The following NEB variants were observed in gnomAD, a reference collection of about 807,000 sequenced individuals.
NEB encodes nemaline myopathy type 2.
A neutral mutation model predicts 952.2 loss-of-function variants in NEB; 512 were observed. That is an observed-to-expected ratio of 0.54 (90% CI 0.50 to 0.58). The LOEUF (loss-of-function observed/expected upper bound fraction) is 0.58, where lower values mean the gene tolerates loss of function less well. Ranked by LOEUF, NEB falls within the 20% of genes least tolerant of loss-of-function variation. The pLI is 0.00. For missense variants in NEB, 8,428 were observed against 9,231.1 expected (o/e 0.91, Z 3.56); for synonymous variants, 2,900 against 3,149.8 (o/e 0.92, Z 2.66).
intron 164 of NEB, 70 bp from the exon 165 acceptor site, chr2:151,505,640 A>ATGTTT (rs1321604761): frequency 3.1e-6 from 4 of 1,306,374 alleles, no homozygotes; most frequent in Non-Finnish European, 3.3e-6. Flanking sequence ...CAACATGTAC[A>ATGTTT]TGTTTTTTGT....
chr2:151,501,709 C>T lies in NEB; in HGVS notation c.23929-226G>A, dbSNP rs140916608. On this transcript the variant is annotated intron_variant, in intron 167 of 181. Transcript: ENST00000397345. ...CAGTAAAACACAGCTGCCAGGCTGC[C>T]GGCAGGAGTGGCTTGACTTATGTAG... 2.3e-3 allele frequency among the ~76,000 whole-genome samples: 349 copies of T among 152,234 alleles called. 2 individuals carry two copies. Among genetic ancestry groups the T allele is most frequent in the Middle Eastern group, 6.8e-3 (2 of 294 alleles).
At chr2:151,609,138 G>A (rs993578882) in intron 81 of NEB, among the ~76,000 whole-genome samples, 1 of 149,790 alleles carries the variant, frequency 6.7e-6, no homozygotes, top group Non-Finnish European at 1.5e-5. Context: ...TTTAAGGGAT[G>A]GAGTGCAATT....
chr2:151,486,084 C>A (rs569523954), intron 181 of NEB, among the ~76,000 whole-genome samples, 151 bp from the exon 182 acceptor site: 1 of 152,206 alleles, frequency 6.6e-6, no homozygotes, highest in East Asian at 1.9e-4. Context: ...AAGGAACCCA[C>A]AAAATAGGAA....
chr2:151,675,320 G>A lies in NEB; in HGVS notation c.3846C>T (p.Leu1282=). ...YTMSPDLPQF[L]QAKCNAYNIS... ...TATTGTAAGCATTGCACTTGGCCTG[G>A]AGAAACTGAGGAAGATCAGGACTCA... The change falls in exon 35 of 182, where the codon CTC becomes CTT. Residue 1282 remains leucine (L), a synonymous_variant. Coordinates refer to ENST00000397345, the MANE Select transcript of NEB (RefSeq NM_001164508.2). The A allele has an allele frequency of 8.1e-6, 13 of 1,595,358 alleles. No homozygotes were observed. The highest frequency in any genetic ancestry group is 1.1e-5 in the Non-Finnish European group (13 of 1,169,214).
In NEB at chr2:151,667,798, A is replaced by G. The variant is rs1163343261; in HGVS notation, c.4719+6T>C. On this transcript the variant is annotated splice_donor_region_variant and intron_variant, in intron 40 of 181. Transcript: ENST00000397345. The stretch of plus-strand genomic sequence containing the variant: ...AGAAAGTTTCCTACTTTTAAGTTAG[A>G]CTTACATCACTAGCAATATTCCTTG... 1 of 1,609,200 alleles carries G rather than the reference A, an allele frequency of 6.2e-7. No individual in the cohort carries two copies. Among genetic ancestry groups the G allele is most frequent in the Admixed American group, 1.7e-5 (1 of 59,930 alleles).
In NEB at chr2:151,609,851, G is replaced by A. The variant is rs755521679; in HGVS notation, c.12288C>T (p.Asn4096=). 1.2e-5 allele frequency: 20 copies of A among 1,606,188 alleles called. No individual in the cohort carries two copies. The highest frequency in any genetic ancestry group is 1.7e-4 in the Middle Eastern group (1 of 6,040). The part of the protein sequence containing the change: ...LHEWTCMPDQ[N]DIIQAKKAYD... ...AGGCCTTTTTTGCTTGGATAATGTCGTTTTGATCCGGCATGCATGTCCATT... is the reference window on the plus strand; with the variant it reads ...AGGCCTTTTTTGCTTGGATAATGTCATTTTGATCCGGCATGCATGTCCATT... The change falls in exon 81 of 182, where the codon AAC becomes AAT. Residue 4096 remains asparagine, a synonymous_variant. Transcript: ENST00000397345.
rs2153648002 is a variant in NEB at position 151,551,825 on chromosome 2, A to G, written c.19857T>C (p.Tyr6619=). The part of the protein sequence containing the change: ...QLSDAVYHYD[Y]VHSVRGKVAP... ...CCACTTTGCCTCTGACACTGTGCACATAGTCATAGTGGTAGACAGCCTGGT... is the reference window on the plus strand; with the variant it reads ...CCACTTTGCCTCTGACACTGTGCACGTAGTCATAGTGGTAGACAGCCTGGT... The change falls in exon 129 of 182, where the codon TAT becomes TAC. Residue 6619 remains tyrosine, a synonymous_variant. Coordinates refer to ENST00000397345, the MANE Select transcript of NEB (RefSeq NM_001164508.2). 1.2e-6 allele frequency: 2 copies of G among 1,613,076 alleles called. No individual in the cohort carries two copies. Among genetic ancestry groups the G allele is most frequent in the Non-Finnish European group, 8.5e-7 (1 of 1,179,308 alleles).
chr2:151,522,895 G>A (rs1210817396), intron 153 of NEB, among the ~76,000 whole-genome samples: 4 of 152,244 alleles, frequency 2.6e-5, no homozygotes, highest in Non-Finnish European at 4.4e-5. Flanking sequence ...CAGCTGAAGC[G>A]CCCTTGGGCC....
Position 151,537,933 on chromosome 2 carries a change from C to T in NEB, c.21041G>A (p.Arg7014Lys). The T allele has an allele frequency of 6.2e-7, 1 of 1,613,340 alleles. No individual in the cohort carries two copies. ...ATGCTCTGGACGATCAGGAATGGAC[C>T]TCCAGATACCCAACTGGCTCATGTA... ...ENYMSQLGIWRSIPDRPEHFH... is the reference protein window; with the variant it reads ...ENYMSQLGIWKSIPDRPEHFH... Residue 7014 changes from arginine (R) to lysine (K), a missense_variant, in exon 140 of 182, where the codon AGG becomes AAG. Arg to Lys is a conservative substitution (Grantham distance 26). This residue lies in a region of NEB where 3,374 missense variants were observed against 3,651.5 expected (regional missense o/e 0.92). Transcript: ENST00000397345.
intron 62 of NEB, 69 bp downstream of exon 62, chr2:151,639,788 C>T (rs112972844): frequency 3.0e-6 from 4 of 1,330,952 alleles, no homozygotes; most frequent in African/African-American, 1.5e-5. Context: ...TTTCTTTCCT[C>T]ATTAATGTTT....
chr2:151,551,135 T>C (rs2095306505), intron 129 of NEB, among the ~76,000 whole-genome samples: 1 of 151,662 alleles, frequency 6.6e-6, no homozygotes, highest in Non-Finnish European at 1.5e-5. Context: ...ATCTGGCTAA[T>C]TTTTTGTATT....
chr2:151,723,891 A>G (rs977941202), intron 8 of NEB, among the ~76,000 whole-genome samples: 3 of 152,052 alleles, frequency 2.0e-5, no homozygotes, highest in African/African-American at 4.8e-5. Flanking sequence ...AAGGGGCACA[A>G]AATAAACCTC....
intron 40 of NEB, 106 bp downstream of exon 40, chr2:151,667,698 T>G (rs2099237863): frequency 4.0e-6 from 3 of 744,070 alleles, no homozygotes; most frequent in South Asian, 4.5e-5. Flanking sequence ...TGGCTAATTT[T>G]TTTTTTTATT....
chr2:151,563,256 C>G (rs954249959), intron 119 of NEB, among the ~76,000 whole-genome samples: 14 of 152,134 alleles, frequency 9.2e-5, no homozygotes, highest in African/African-American at 3.4e-4. Flanking sequence ...CTCTGGTGAT[C>G]TGCCTGCCTT....
At position 151,733,149 on chromosome 2, in the gene NEB, T is replaced by C. The variant is rs1245236784; in HGVS notation, c.8A>G (p.Asp3Gly). Residue 3 changes from aspartate to glycine, a missense_variant, in exon 3 of 182, where the codon GAT (aspartate) becomes GGT (glycine). This residue lies in a region of NEB where 2,851 missense variants were observed against 2,791.5 expected (regional missense o/e 1.02). Coordinates refer to ENST00000397345, the MANE Select transcript of NEB (RefSeq NM_001164508.2). ...CACCACCTCCTCATAGTCTTCGTCA[T>C]CTGCCATTTTTCCAGAGTAGTAGTG... MADDEDYEEVVEY... is the reference protein window; with the variant it reads MAGDEDYEEVVEY... The C allele has an allele frequency of 8.7e-6, 14 of 1,605,378 alleles. No individual in the cohort carries two copies. The highest frequency in any genetic ancestry group is 1.0e-5 in the Non-Finnish European group (12 of 1,176,296).
chr2:151,719,886 CAAAAAAA>C (rs34116466), intron 9 of NEB, among the ~76,000 whole-genome samples: 7 of 103,618 alleles, frequency 6.8e-5, no homozygotes, highest in Non-Finnish European at 1.1e-4. Context: ...GACCCTGTCT[CAAAAAAA>C]AAAAAAAAAA....
chr2:151,661,257 T>C (rs2099145365), intron 46 of NEB, among the ~76,000 whole-genome samples: 1 of 152,200 alleles, frequency 6.6e-6, no homozygotes, highest in African/African-American at 2.4e-5. Flanking sequence ...CTCATGTAGT[T>C]TAGATTTAAA....
At chr2:151,637,067 C>T (rs1348532442) in intron 63 of NEB, among the ~76,000 whole-genome samples, 4 of 151,994 alleles carry the variant, frequency 2.6e-5, no homozygotes, top group Non-Finnish European at 5.9e-5. Context: ...TCTGACTGTG[C>T]GGGGTACTTG....
rs1207279110 is a variant in NEB at position 151,619,636 on chromosome 2, T to C, written c.10687A>G (p.Lys3563Glu). The C allele has an allele frequency of 3.1e-6, 5 of 1,613,840 alleles. No homozygotes were observed. The African/African-American group carries it at 6.7e-5, about 22-fold the overall frequency. Reference sequence around the variant, plus strand: ...CTTGTCTTGTATTTCTCAAAATCTTTCTTGTACTCACGGTCACTCTGCACT... The same window carrying C: ...CTTGTCTTGTATTTCTCAAAATCTTCCTTGTACTCACGGTCACTCTGCACT... ...AKVQSDREYK[K>E]DFEKYKTRYS... Residue 3563 changes from lysine (K) to glutamate (E), a missense_variant, in exon 73 of 182, where the codon AAA (lysine) becomes GAA (glutamate). Lys to Glu is a moderately conservative substitution (Grantham distance 56, BLOSUM62 1). This residue lies in a region of NEB where 1,772 missense variants were observed against 1,960.3 expected (regional missense o/e 0.90). Coordinates refer to ENST00000397345, the MANE Select transcript of NEB (RefSeq NM_001164508.2).
Sources: allele counts gnomAD v4.1 joint callset (sites outside exome capture counted in the v4.1 genomes callset), GRCh38; gene constraint gnomAD v4.1.1; regional missense constraint gnomAD v4.1.1; transcripts MANE v1.5; gene names NCBI Gene and HGNC (gene_info 2026-07-23, HGNC 2026-07-21).